Variants in PRR19 observed in about 807,000 individuals in gnomAD.
PRR19 encodes proline rich 19, also known as proline-rich protein 19.
PRR19 carries 9 observed loss-of-function variants against 19.2 expected under a neutral mutation model. That is an observed-to-expected ratio of 0.47 (90% CI 0.28 to 0.82). The LOEUF (loss-of-function observed/expected upper bound fraction) is 0.82, where lower values mean the gene tolerates loss of function less well. PRR19 is among the 40% of genes least tolerant of loss of function. The pLI is 0.11. For synonymous variants in PRR19, 190 were observed against 191.0 expected (o/e 0.99, Z 0.04); for missense variants, 457 against 466.0 (o/e 0.98, Z 0.18).
Position 42,309,751 on chromosome 19 carries a change from C to T in PRR19, c.167C>T (p.Pro56Leu). The change falls in exon 2 of 3, where the codon CCT (proline) becomes CTT (leucine). Residue 56 changes from proline to leucine, a missense_variant. Coordinates refer to ENST00000341747, the MANE Select transcript of PRR19 (RefSeq NM_199285.3). ...PVAIRDPPVVPTASKLVVITQ... is the reference protein window; with the variant it reads ...PVAIRDPPVVLTASKLVVITQ... ...GCCATTCGGGATCCACCTGTGGTCCCTACTGCCTCCAAGCTCGTGGTCATA... is the reference window on the plus strand; with the variant it reads ...GCCATTCGGGATCCACCTGTGGTCCTTACTGCCTCCAAGCTCGTGGTCATA... 6.2e-7 allele frequency: 1 copy of T among 1,609,744 alleles called. No homozygotes were observed. The highest frequency in any genetic ancestry group is 8.5e-7 in the Non-Finnish European group (1 of 1,176,794).
At position 42,310,415 on chromosome 19, in the gene PRR19, C is replaced by G. The variant is rs780293664; in HGVS notation, c.746C>G (p.Thr249Ser). ...FPMPYTSSMPTAHRGSLAPPR... is the reference protein window; with the variant it reads ...FPMPYTSSMPSAHRGSLAPPR... ...ATGCCCTACACCTCCAGCATGCCCACTGCGCACAGGGGGAGTCTGGCACCG... is the reference window on the plus strand; with the variant it reads ...ATGCCCTACACCTCCAGCATGCCCAGTGCGCACAGGGGGAGTCTGGCACCG... Residue 249 changes from threonine (T) to serine (S), a missense_variant, in exon 3 of 3, where the codon ACT becomes AGT. Coordinates refer to ENST00000341747, the MANE Select transcript of PRR19 (RefSeq NM_199285.3). 6.2e-7 allele frequency: 1 copy of G among 1,614,228 alleles called. No homozygotes were observed. Among genetic ancestry groups the G allele is most frequent in the African/African-American group, 1.3e-5 (1 of 75,054 alleles).
At position 42,302,192 on chromosome 19, in the gene PRR19, C is replaced by G. The variant is rs1187990860; in HGVS notation, c.-318C>G. 1 of 1,544,640 alleles carries G rather than the reference C, an allele frequency of 6.5e-7. No individual in the cohort carries two copies. The highest frequency in any genetic ancestry group is 1.2e-5 in the South Asian group (1 of 84,172). ...AGCCGTTCTCCTGAGCCACCCCCCGCGCCCCCGGACTCCTCAATATCCCAG... is the reference window on the plus strand; with the variant it reads ...AGCCGTTCTCCTGAGCCACCCCCCGGGCCCCCGGACTCCTCAATATCCCAG... On this transcript the variant is annotated 5_prime_UTR_variant, in exon 1 of 3. Transcript: ENST00000341747.
chr19:42,309,734 G>T lies in PRR19; in HGVS notation c.150G>T (p.Arg50=), dbSNP rs756326516. The T allele has an allele frequency of 1.1e-5, 17 of 1,607,568 alleles. No homozygotes were observed. The East Asian group carries it at 3.1e-4, about 30-fold the overall frequency. Residue 50 remains arginine (R), a synonymous_variant, in exon 2 of 3, where the codon CGG becomes CGT. Transcript: ENST00000341747. The part of the protein sequence containing the change: ...LAHHDPPVAI[R]DPPVVPTASK... ...ACCACGATCCTCCTGTGGCCATTCG[G>T]GATCCACCTGTGGTCCCTACTGCCT...
At chr19:42,303,064 G>GGTGTGT (rs59660057) in intron 1 of PRR19, among the ~76,000 whole-genome samples, 9,693 of 133,832 alleles carry the variant, frequency 0.072, 408 homozygotes, top group South Asian at 0.097. Flanking sequence ...AAACACCGTG[G>GGTGTGT]GTGTGTGTGT....
Position 42,309,876 on chromosome 19 carries a change from G to C in PRR19, c.292G>C (p.Gly98Arg). Residue 98 changes from glycine (G) to arginine (R), a missense_variant, in exon 2 of 3, where the codon GGC becomes CGC. Transcript: ENST00000341747. ...RLLSSGTLVP[G>R]SPTLPAKPSP... ...GCTTAGCAGTGGGACCCTGGTGCCA[G>C]GCAGCCCCACACTCCCCGCCAAGCC... 1 of 1,613,984 alleles carries C rather than the reference G, an allele frequency of 6.2e-7. No homozygotes were observed. Among genetic ancestry groups the C allele is most frequent in the Non-Finnish European group, 8.5e-7 (1 of 1,180,012 alleles).
At chr19:42,306,872 C>G (rs2038712307) in intron 1 of PRR19, 1 of 152,224 alleles carries the variant, frequency 6.6e-6, no homozygotes, top group South Asian at 2.1e-4. Flanking sequence ...CGGCGCTTCC[C>G]TGGCACGCGC....
Position 42,309,848 on chromosome 19 carries a change from G to T in PRR19, c.264G>T (p.Arg88Ser), listed in dbSNP as rs1391766258. Reference protein sequence around the residue: ...NHEVKSLDVARLLSSGTLVPG... With the variant: ...NHEVKSLDVASLLSSGTLVPG... ...AGGTGAAATCCCTAGATGTTGCAAG[G>T]CTGCTTAGCAGTGGGACCCTGGTGC... Residue 88 changes from arginine to serine, a missense_variant, in exon 2 of 3, where the codon AGG (arginine) becomes AGT (serine). Physicochemically the swap from Arg to Ser is moderately radical, Grantham distance 110 (BLOSUM62 -1). Coordinates refer to ENST00000341747, the MANE Select transcript of PRR19 (RefSeq NM_199285.3). 3 of 1,614,026 alleles carry T rather than the reference G, an allele frequency of 1.9e-6. No individual in the cohort carries two copies. Among genetic ancestry groups the T allele is most frequent in the Non-Finnish European group, 1.7e-6 (2 of 1,180,030 alleles).
rs771745670 is a variant in PRR19, at chr19:42,310,521, C to G, written c.852C>G (p.Asp284Glu). The G allele has an allele frequency of 6.2e-7, 1 of 1,614,234 alleles. No individual in the cohort carries two copies. The highest frequency in any genetic ancestry group is 1.1e-5 in the South Asian group (1 of 91,088). ...CCTGGGGTCCCCCAACAGCGTTTGACTTGTTAAAAAGCATCTGGCTGGTAG... is the reference window on the plus strand; with the variant it reads ...CCTGGGGTCCCCCAACAGCGTTTGAGTTGTTAAAAAGCATCTGGCTGGTAG... ...GTAWGPPTAF[D>E]LLKSIWLVAT... The change falls in exon 3 of 3, where the codon GAC (aspartate) becomes GAG (glutamate). Residue 284 changes from aspartate (D) to glutamate (E), a missense_variant. Physicochemically the swap from Asp to Glu is conservative, Grantham distance 45. Transcript: ENST00000341747.
chr19:42,310,700 G>T lies in PRR19; in HGVS notation c.1031G>T (p.Ser344Ile), dbSNP rs1012718270. Residue 344 changes from serine to isoleucine, a missense_variant, in exon 3 of 3, where the codon AGT (serine) becomes ATT (isoleucine). Transcript: ENST00000341747. Reference protein sequence around the residue: ...PSLSWVVAQSSPEAWSFPPMR... With the variant: ...PSLSWVVAQSIPEAWSFPPMR... Reference sequence around the variant, plus strand: ...CTCTCCTGGGTAGTAGCCCAGAGCAGTCCGGAAGCCTGGTCTTTTCCACCC... The same window carrying T: ...CTCTCCTGGGTAGTAGCCCAGAGCATTCCGGAAGCCTGGTCTTTTCCACCC... The T allele has an allele frequency of 6.3e-7, 1 of 1,578,988 alleles. No homozygotes were observed. Among genetic ancestry groups the T allele is most frequent in the Non-Finnish European group, 8.6e-7 (1 of 1,161,940 alleles).
chr19:42,302,292 G>C lies in PRR19; in HGVS notation c.-218G>C. ...GCACCGGCGTGGGCTTGCTGGCTGGGTTCTCCTCTCCACTCATCTTGGCGC... is the reference window on the plus strand; with the variant it reads ...GCACCGGCGTGGGCTTGCTGGCTGGCTTCTCCTCTCCACTCATCTTGGCGC... On this transcript the variant is annotated 5_prime_UTR_variant, in exon 1 of 3. Transcript: ENST00000341747. The C allele has an allele frequency of 6.2e-7, 1 of 1,606,008 alleles. No individual in the cohort carries two copies.
Position 42,302,203 on chromosome 19 carries a change from T to G in PRR19, c.-307T>G. ...TGAGCCACCCCCCGCGCCCCCGGACTCCTCAATATCCCAGGTGGGAACGCT... is the reference window on the plus strand; with the variant it reads ...TGAGCCACCCCCCGCGCCCCCGGACGCCTCAATATCCCAGGTGGGAACGCT... On this transcript the variant is annotated 5_prime_UTR_variant, in exon 1 of 3. Coordinates refer to ENST00000341747, the MANE Select transcript of PRR19 (RefSeq NM_199285.3). 6.4e-7 allele frequency: 1 copy of G among 1,564,742 alleles called. No homozygotes were observed. The highest frequency in any genetic ancestry group is 1.2e-5 in the South Asian group (1 of 85,498).
Position 42,309,755 on chromosome 19 carries a change from T to C in PRR19, c.171T>C (p.Thr57=). 6.2e-7 allele frequency: 1 copy of C among 1,609,974 alleles called. No homozygotes were observed. Among genetic ancestry groups the C allele is most frequent in the Non-Finnish European group, 8.5e-7 (1 of 1,176,924 alleles). Residue 57 remains threonine, a synonymous_variant, in exon 2 of 3, where the codon ACT becomes ACC. Transcript: ENST00000341747. ...TTCGGGATCCACCTGTGGTCCCTAC[T>C]GCCTCCAAGCTCGTGGTCATAACCC... is the stretch of plus-strand genomic sequence containing the variant. ...VAIRDPPVVP[T]ASKLVVITQG...
Position 42,310,284 on chromosome 19 carries a change from G to C in PRR19, c.615G>C (p.Gly205=), listed in dbSNP as rs561294939. Residue 205 remains glycine (G), a synonymous_variant, in exon 3 of 3, where the codon GGG becomes GGC. Transcript: ENST00000341747. ...CCTCTGTGCCAGGGGCCAAGCCTGG[G>C]GTCTCTGAGAGAAAGATGACACCCT... ...CQPPLPGAKP[G]VSERKMTPFW... The C allele has an allele frequency of 1.2e-6, 2 of 1,614,116 alleles. No individual in the cohort carries two copies. The highest frequency in any genetic ancestry group is 2.2e-5 in the South Asian group (2 of 91,086).
intron 1 of PRR19, among the ~76,000 whole-genome samples, chr19:42,305,082 G>A (rs1482623425): frequency 4.0e-5 from 6 of 151,400 alleles, no homozygotes; most frequent in South Asian, 2.1e-4. Flanking sequence ...GGTGGTCTGC[G>A]CCTGTAGTCC....
In PRR19 at chr19:42,309,565, T is replaced by C. The variant is rs1341804557; in HGVS notation, c.-6-14T>C. 1.3e-6 allele frequency: 2 copies of C among 1,508,160 alleles called. No individual in the cohort carries two copies. Among genetic ancestry groups the C allele is most frequent in the East Asian group, 4.6e-5 (2 of 43,778 alleles). 93.4% of individuals were successfully genotyped at this position (1,508,160 alleles called of 1,614,324 possible). On this transcript the variant is annotated splice_polypyrimidine_tract_variant and intron_variant, in intron 1 of 2. Transcript: ENST00000341747. ...TATCTGCATGCTGATGGCCACCCTA[T>C]CTTTATATTCCAGGACACCATGGAT...
intron 1 of PRR19, among the ~76,000 whole-genome samples, chr19:42,304,419 G>A (rs2038684215): frequency 6.9e-6 from 1 of 144,612 alleles, no homozygotes; most frequent in African/African-American, 2.6e-5. Flanking sequence ...AGAAGTTTGA[G>A]ACCAGCCTGG....
chr19:42,309,399 G>A (rs2038755658), intron 1 of PRR19, 180 bp from the exon 2 acceptor site: 2 of 501,468 alleles, frequency 4.0e-6, no homozygotes, highest in Non-Finnish European at 7.0e-6. Flanking sequence ...AGTAAAGACA[G>A]CATTTTGCCA....
intron 1 of PRR19, among the ~76,000 whole-genome samples, chr19:42,308,367 C>T (rs1480689363): frequency 6.7e-6 from 1 of 149,992 alleles, no homozygotes; most frequent in Admixed American, 6.7e-5. Context: ...GCTGGGACTA[C>T]AGGTGTGGGC....
chr19:42,309,539 T>A, intron 1 of PRR19, 40 bp from the exon 2 acceptor site: 1 of 1,462,216 alleles, frequency 6.8e-7, no homozygotes, highest in Non-Finnish European at 9.2e-7. Context: ...TCCCCTTGAC[T>A]TATCTGCATG....
Sources: gnomAD v4.1 joint callset for allele counts (sites outside exome capture counted in the v4.1 genomes callset) on GRCh38, gnomAD v4.1.1 for gene constraint, MANE v1.5 for transcripts, NCBI Gene and HGNC (gene_info 2026-07-23, HGNC 2026-07-21) for gene names.